The following GRID1 variants were observed in gnomAD, a reference collection of about 807,000 sequenced individuals.
GRID1 encodes glutamate receptor ionotropic, delta-1.
In GRID1, 28 loss-of-function variants were observed where a neutral mutation model predicts 98.0. That is an observed-to-expected ratio of 0.29 (90% CI 0.21 to 0.39). The LOEUF (loss-of-function observed/expected upper bound fraction) is 0.39. Among genes scored for constraint, GRID1 ranks in the 10% least tolerant of loss-of-function variants. GRID1 has a pLI of 1.00. For synonymous variants in GRID1, 553 were observed against 538.5 expected (o/e 1.03, Z -0.37); for missense variants, 1,111 against 1,340.5 (o/e 0.83, Z 2.67).
chr10:86,321,606 C>T (rs1254329623), intron 2 of GRID1, among the ~76,000 whole-genome samples: 2 of 152,172 alleles, frequency 1.3e-5, no homozygotes, highest in African/African-American at 2.4e-5. Flanking sequence ...TGCCATGAAG[C>T]TGGCAGCTCC....
At chr10:85,963,930 C>A (rs1842304178) in intron 4 of GRID1, among the ~76,000 whole-genome samples, 1 of 152,162 alleles carries the variant, frequency 6.6e-6, no homozygotes, top group South Asian at 2.1e-4. Context: ...AGAGTAAGGA[C>A]TTCCATAAAT....
chr10:85,999,751 C>G lies in GRID1; in HGVS notation c.727-83512G>C, dbSNP rs147765727. 1.4e-4 allele frequency among the ~76,000 whole-genome samples: 21 copies of G among 152,164 alleles called. No homozygotes were observed. In the East Asian group the frequency reaches 4.1e-3, roughly 29 times the overall value. Reference sequence around the variant, plus strand: ...TACATCAATGGATGCAGAAAAAAAGCACATGACAAAATGCAGCTTTCTTTC... The same window carrying G: ...TACATCAATGGATGCAGAAAAAAAGGACATGACAAAATGCAGCTTTCTTTC... On this transcript the variant is annotated intron_variant, in intron 4 of 15. Transcript: ENST00000327946.
chr10:85,706,946 T>C (rs974217868), intron 12 of GRID1, among the ~76,000 whole-genome samples: 1 of 152,198 alleles, frequency 6.6e-6, no homozygotes, highest in African/African-American at 2.4e-5. Flanking sequence ...CCTTACACCT[T>C]ATACTAAAAT....
At chr10:86,277,660 T>G (rs1387052432) in intron 2 of GRID1, among the ~76,000 whole-genome samples, 1 of 151,982 alleles carries the variant, frequency 6.6e-6, no homozygotes, top group Non-Finnish European at 1.5e-5. Context: ...TTAAGTGTAA[T>G]CCTGAGGGTA....
intron 2 of GRID1, among the ~76,000 whole-genome samples, chr10:86,244,719 C>T (rs1430027503): frequency 6.6e-6 from 1 of 152,238 alleles, no homozygotes; most frequent in Non-Finnish European, 1.5e-5. Flanking sequence ...CCTAATGCCA[C>T]ATGCCCAAAG....
chr10:85,652,418 G>C (rs974868309), intron 12 of GRID1, among the ~76,000 whole-genome samples: 3 of 152,178 alleles, frequency 2.0e-5, no homozygotes, highest in Non-Finnish European at 4.4e-5. Flanking sequence ...TTTCAACAAC[G>C]GTGGGGATGT....
At chr10:85,700,571 T>C (rs753115402) in intron 12 of GRID1, among the ~76,000 whole-genome samples, 2 of 152,230 alleles carry the variant, frequency 1.3e-5, no homozygotes, top group East Asian at 1.9e-4. Flanking sequence ...CCTGTAGTGT[T>C]CAACCTCATG....
intron 3 of GRID1, among the ~76,000 whole-genome samples, chr10:86,178,042 G>C (rs1564698459): frequency 1.3e-5 from 2 of 152,048 alleles, no homozygotes; most frequent in Non-Finnish European, 2.9e-5. Flanking sequence ...GAGTTTTCAA[G>C]TGAGGAGGAC....
chr10:86,349,522 A>T (rs1848435040), intron 2 of GRID1, among the ~76,000 whole-genome samples: 1 of 152,212 alleles, frequency 6.6e-6, no homozygotes, highest in Admixed American at 6.5e-5. Flanking sequence ...CCCTTTGCAC[A>T]TGGCCTTGGA....
chr10:85,825,339 GA>G (rs1452790421), intron 8 of GRID1, among the ~76,000 whole-genome samples: 2 of 151,050 alleles, frequency 1.3e-5, no homozygotes, highest in African/African-American at 2.4e-5. Flanking sequence ...ATCTTCTTTT[GA>G]AAAGTGTCTA....
intron 4 of GRID1, among the ~76,000 whole-genome samples, chr10:86,054,666 T>C (rs551272007): frequency 6.6e-6 from 1 of 152,312 alleles, no homozygotes; most frequent in Admixed American, 6.5e-5. Context: ...AATAACATAA[T>C]AGCAGCTATC....
chr10:86,209,719 A>G (rs1846080870), intron 2 of GRID1, among the ~76,000 whole-genome samples: 1 of 152,148 alleles, frequency 6.6e-6, no homozygotes, highest in Non-Finnish European at 1.5e-5. Flanking sequence ...TAAATTGTCC[A>G]GGAACTCCAA....
At chr10:85,837,351 G>A (rs571087987) in intron 8 of GRID1, among the ~76,000 whole-genome samples, 1 of 152,280 alleles carries the variant, frequency 6.6e-6, no homozygotes, top group African/African-American at 2.4e-5. Context: ...CAGCTGCCTT[G>A]CCTCTGCCAC....
intron 4 of GRID1, among the ~76,000 whole-genome samples, chr10:86,060,898 A>G (rs1488192375): frequency 6.6e-6 from 1 of 151,694 alleles, no homozygotes; most frequent in Non-Finnish European, 1.5e-5. Flanking sequence ...CTGGGTATCC[A>G]CCTCCCAACA....
At chr10:85,873,507 A>G (rs527947165) in intron 5 of GRID1, among the ~76,000 whole-genome samples, 2 of 152,330 alleles carry the variant, frequency 1.3e-5, no homozygotes, top group Admixed American at 1.3e-4. Flanking sequence ...CATTACATAC[A>G]TTAAATATGA....
intron 4 of GRID1, among the ~76,000 whole-genome samples, chr10:86,035,528 C>A (rs919676430): frequency 6.6e-6 from 1 of 152,338 alleles, no homozygotes; most frequent in Non-Finnish European, 1.5e-5. Context: ...ACTGGCCACA[C>A]AAGCACCATC....
chr10:86,156,998 G>A (rs1179575758), intron 3 of GRID1, among the ~76,000 whole-genome samples: 1 of 152,162 alleles, frequency 6.6e-6, no homozygotes, highest in Admixed American at 6.5e-5. Flanking sequence ...GGCACTCAGG[G>A]GAAGAGTGAA....
chr10:86,333,991 C>T (rs921999798), intron 2 of GRID1, among the ~76,000 whole-genome samples: 7 of 152,084 alleles, frequency 4.6e-5, no homozygotes, highest in African/African-American at 1.7e-4. Flanking sequence ...GCACTAGATG[C>T]CAGCCGCCAC....
chr10:85,752,807 T>A (rs898980340), intron 8 of GRID1, among the ~76,000 whole-genome samples: 8 of 152,232 alleles, frequency 5.3e-5, no homozygotes, highest in African/African-American at 1.9e-4. Context: ...ATATTTTCAA[T>A]CTGTCCATTA....
Sources: gnomAD v4.1 joint callset for allele counts (sites outside exome capture counted in the v4.1 genomes callset) on GRCh38, gnomAD v4.1.1 for gene constraint, MANE v1.5 for transcripts, NCBI Gene and HGNC (gene_info 2026-07-23, HGNC 2026-07-21) for gene names.